PALD1: variants seen among roughly 807,000 people sequenced by gnomAD.
PALD1 encodes phosphatase domain containing paladin 1, also known as paladin.
Under a neutral mutation model 96.0 loss-of-function variants are expected in PALD1, and 57 were observed. The ratio of observed to expected loss-of-function variants is 0.59; its 90% CI spans 0.48 to 0.74. PALD1 has a LOEUF of 0.74. PALD1 is among the 30% of genes least tolerant of loss of function. The pLI, the probability that PALD1 is intolerant of heterozygous loss-of-function variation, is 0.00. For missense variants in PALD1, 1,063 were observed against 1,143.7 expected, an observed-to-expected ratio of 0.93 and a Z score of 1.02; for synonymous variants, 464 against 473.6, an observed-to-expected ratio of 0.98 and a Z score of 0.26.
chr10:70,541,796 G>A (rs1206080582), intron 17 of PALD1, among the ~76,000 whole-genome samples: 3 of 152,196 alleles, frequency 2.0e-5, no homozygotes, highest in Non-Finnish European at 4.4e-5. Flanking sequence ...GGGCTGCTGT[G>A]TGCCTTGGGG....
intron 1 of PALD1, among the ~76,000 whole-genome samples, chr10:70,515,431 C>T (rs993700693): frequency 1.3e-5 from 2 of 152,124 alleles, no homozygotes; most frequent in African/African-American, 4.8e-5. Context: ...CTGCTGTGGC[C>T]CAGCCCAGCC....
intron 1 of PALD1, among the ~76,000 whole-genome samples, chr10:70,496,578 G>A (rs1253362906): frequency 6.6e-6 from 1 of 152,234 alleles, no homozygotes; most frequent in Non-Finnish European, 1.5e-5. Flanking sequence ...AGTCACCCGT[G>A]TCGCTGCAGG....
intron 1 of PALD1, among the ~76,000 whole-genome samples, chr10:70,483,431 T>G (rs1263443674): frequency 6.6e-6 from 1 of 152,198 alleles, no homozygotes; most frequent in Non-Finnish European, 1.5e-5. Flanking sequence ...CTTTGGGAAC[T>G]GGGTGTGTCA....
chr10:70,559,035 G>A (rs1008230975), intron 18 of PALD1, among the ~76,000 whole-genome samples: 3 of 152,136 alleles, frequency 2.0e-5, no homozygotes, highest in African/African-American at 7.2e-5. Context: ...CCGTGTCCCT[G>A]GACCATGAAG....
At chr10:70,475,813 G>A (rs1253953839), upstream of PALD1, among the ~76,000 whole-genome samples, 1 of 152,166 alleles carries the variant, frequency 6.6e-6, no homozygotes, top group Admixed American at 6.5e-5. Context: ...GCAGTGGATG[G>A]CCACAGGCGA....
intron 18 of PALD1, among the ~76,000 whole-genome samples, chr10:70,556,178 C>G (rs908192882): frequency 6.6e-6 from 1 of 152,038 alleles, no homozygotes; most frequent in Non-Finnish European, 1.5e-5. Context: ...TCACTTGAAC[C>G]CAGCCTAGAA....
intron 18 of PALD1, among the ~76,000 whole-genome samples, chr10:70,556,308 G>GTC (rs1554862655): frequency 1.5e-5 from 1 of 68,230 alleles, no homozygotes; most frequent in African/African-American, 5.2e-5. Context: ...CTCTCTCTCT[G>GTC]TCTCTGTCTC....
In PALD1 at chr10:70,529,362, C is replaced by T. The variant is rs963680863; in HGVS notation, c.288+31C>T. The stretch of plus-strand genomic sequence containing the variant: ...CTCAGGCCTTACCCTGCCAGCCCGC[C>T]TGCTGCCTCCCACCCCTATCTCTCA... On this transcript the variant is annotated intron_variant, in intron 3 of 19. Coordinates refer to ENST00000263563, the MANE Select transcript of PALD1 (RefSeq NM_014431.3). The T allele has an allele frequency of 9.3e-6, 10 of 1,074,000 alleles. No homozygotes were observed. In the African/African-American group the frequency reaches 1.1e-4, roughly 11 times the overall value. The allele number at this position is 1,074,000 out of a possible 1,614,324, so 66.5% of individuals were successfully genotyped here.
At chr10:70,544,850 C>T (rs1847328695) in intron 17 of PALD1, among the ~76,000 whole-genome samples, 1 of 152,222 alleles carries the variant, frequency 6.6e-6, no homozygotes, top group Admixed American at 6.5e-5. Flanking sequence ...GCCACTAGTT[C>T]CTTCCAGACT....
intron 1 of PALD1, among the ~76,000 whole-genome samples, chr10:70,484,524 C>A (rs192527365): frequency 6.5e-4 from 98 of 151,436 alleles, no homozygotes; most frequent in Non-Finnish European, 1.3e-3. Flanking sequence ...ACTGCCCATT[C>A]TTTTATTTTA....
chr10:70,497,440 C>T (rs766187369), intron 1 of PALD1, among the ~76,000 whole-genome samples: 1 of 152,220 alleles, frequency 6.6e-6, no homozygotes, highest in East Asian at 1.9e-4. Flanking sequence ...GCGCCACTCG[C>T]ACAGCTCTCC....
chr10:70,517,941 T>G (rs1846651165), intron 1 of PALD1, among the ~76,000 whole-genome samples: 1 of 152,198 alleles, frequency 6.6e-6, no homozygotes, highest in African/African-American at 2.4e-5. Flanking sequence ...TTCACTCTTG[T>G]TGCCCAGGCT....
chr10:70,544,242 G>T lies in PALD1; in HGVS notation c.2121+2708G>T, dbSNP rs545931833. On this transcript the variant is annotated intron_variant, in intron 17 of 19. Transcript: ENST00000263563. ...GAGTGAGTATCCTTGGTGAGGAGGG[G>T]AGTGTCTGGAGGGATCAAGTGTGCA... is the stretch of plus-strand genomic sequence containing the variant. Among the ~76,000 whole-genome samples, 46 of 152,174 alleles carry T rather than the reference G, an allele frequency of 3.0e-4. 2 individuals carry two copies. In the South Asian group the frequency reaches 8.9e-3, roughly 29 times the overall value.
chr10:70,548,932 G>C (rs936354544), intron 18 of PALD1, among the ~76,000 whole-genome samples: 3 of 151,896 alleles, frequency 2.0e-5, no homozygotes, highest in Non-Finnish European at 4.4e-5. Flanking sequence ...CCAGGCCAGG[G>C]GAAGAGTGGC....
At chr10:70,556,279 C>CCTCCCTCTCTCCCTCTCTCTCTCTCTCT (rs527928462) in intron 18 of PALD1, among the ~76,000 whole-genome samples, 10 of 128,652 alleles carry the variant, frequency 7.8e-5, no homozygotes, top group South Asian at 2.5e-4. Flanking sequence ...GTAGCCGAGA[C>CCTCCCTCTCTCCCTCTCTCTCTCTCTCT]CTCTCTCTCT....
intron 2 of PALD1, 147 bp from the exon 3 acceptor site, chr10:70,529,082 G>A: frequency 1.7e-6 from 1 of 598,004 alleles, no homozygotes; most frequent in South Asian, 2.0e-5. Context: ...GAAGGGAAGA[G>A]TGGATATTGA....
Position 70,526,097 on chromosome 10 carries a change from A to C in PALD1, c.146A>C (p.Lys49Thr). 1 of 1,614,244 alleles carries C rather than the reference A, an allele frequency of 6.2e-7. No homozygotes were observed. Among genetic ancestry groups the C allele is most frequent in the Non-Finnish European group, 8.5e-7 (1 of 1,180,034 alleles). Residue 49 changes from lysine to threonine, a missense_variant, in exon 2 of 20, where the codon AAG (lysine) becomes ACG (threonine). By Grantham distance (78) the Lys-to-Thr change is moderately conservative (BLOSUM62 -1). Coordinates refer to ENST00000263563, the MANE Select transcript of PALD1 (RefSeq NM_014431.3). The stretch of plus-strand genomic sequence containing the variant: ...ACTAGCTTGCATAACAGCAAGGCCA[A>C]GTCCATCATCCCCAACAAGGTGGCC... ...QSTSLHNSKAKSIIPNKVAPV... is the reference protein window; with the variant it reads ...QSTSLHNSKATSIIPNKVAPV...
chr10:70,480,844 T>C (rs1845918274), intron 1 of PALD1, among the ~76,000 whole-genome samples: 2 of 152,156 alleles, frequency 1.3e-5, no homozygotes, highest in Non-Finnish European at 2.9e-5. Flanking sequence ...TGCGTGTGTG[T>C]GCTCAGGTTT....
intron 10 of PALD1, among the ~76,000 whole-genome samples, chr10:70,536,912 A>G (rs867215080): frequency 6.6e-6 from 1 of 152,146 alleles, no homozygotes; most frequent in Middle Eastern, 3.2e-3. Flanking sequence ...ACAACCCCCC[A>G]TGCAGAGGAA....
Sources: gnomAD v4.1 joint callset for allele counts (sites outside exome capture counted in the v4.1 genomes callset) on GRCh38, gnomAD v4.1.1 for gene constraint, MANE v1.5 for transcripts, NCBI Gene and HGNC (gene_info 2026-07-23, HGNC 2026-07-21) for gene names.